The following SLC10A3 variants were observed in gnomAD, a reference collection of about 807,000 sequenced individuals.
The protein encoded by SLC10A3 is solute carrier family 10 member 3.
In SLC10A3, 1 loss-of-function variant was observed where a neutral mutation model predicts 1.9. The ratio of observed to expected loss-of-function variants is 0.52; its 90% confidence interval spans 0.19 to 2.48. SLC10A3 has a LOEUF of 2.48. Ranked by LOEUF, SLC10A3 falls within the 30% of genes most tolerant of loss-of-function variation. SLC10A3 has a pLI of 0.25. For synonymous variants in SLC10A3, 202 were observed against 189.3 expected (o/e 1.07, Z -0.55); for missense variants, 317 against 398.5 (o/e 0.80, Z 1.74).
At chrX:154,489,835 G>C (rs2069361413) in intron 1 of SLC10A3, 1 of 964,611 alleles carries the variant, frequency 1.0e-6, no homozygotes, top group Admixed American at 5.0e-5. Context: ...TGAGGCAGAA[G>C]TAGGGAGCAG....
At position 154,488,264 on chromosome X, in the gene SLC10A3, A is replaced by T; in HGVS notation, c.677T>A (p.Met226Lys). 1 of 1,210,957 alleles carries T rather than the reference A, an allele frequency of 8.3e-7. No homozygotes were observed. The highest frequency in any genetic ancestry group is 1.1e-6 in the Non-Finnish European group (1 of 895,000). The part of the protein sequence containing the change: ...LKGLMQSPQP[M>K]LLGLLGQFLV... ...AAACTGGCCCAGGAGGCCCAGCAGCATGGGCTGGGGGCTCTGCATGAGCCC... is the reference window on the plus strand; with the variant it reads ...AAACTGGCCCAGGAGGCCCAGCAGCTTGGGCTGGGGGCTCTGCATGAGCCC... The change falls in exon 2 of 2, where the codon ATG becomes AAG. Residue 226 changes from methionine to lysine, a missense_variant. Physicochemically the swap from Met to Lys is moderately conservative, Grantham distance 95 (BLOSUM62 -1). Coordinates refer to ENST00000651600, the MANE Select transcript of SLC10A3 (RefSeq NM_019848.5).
At position 154,488,132 on chromosome X, in the gene SLC10A3, C is replaced by G. The variant is rs2069329283; in HGVS notation, c.809G>C (p.Ser270Thr). The G allele has an allele frequency of 8.3e-7, 1 of 1,209,462 alleles. No individual in the cohort carries two copies. The highest frequency in any genetic ancestry group is 1.8e-5 in the South Asian group (1 of 56,785). ...TCCAAGAAGGAGGCTGAAGAGGTAG[C>G]TCCCCCCGCCGCCAGGCGACGAGCA... is the stretch of plus-strand genomic sequence containing the variant. ...ITCSSPGGGG[S>T]YLFSLLLGGD... The change falls in exon 2 of 2, where the codon AGC (serine) becomes ACC (threonine). Residue 270 changes from serine to threonine, a missense_variant. By Grantham distance (58) the Ser-to-Thr change is moderately conservative (BLOSUM62 1). Coordinates refer to ENST00000651600, the MANE Select transcript of SLC10A3 (RefSeq NM_019848.5).
chrX:154,489,346 G>A (rs1005779722), intron 1 of SLC10A3: 13 of 753,011 alleles, frequency 1.7e-5, no homozygotes, highest in Middle Eastern at 7.4e-4. Context: ...ACAGTGACTC[G>A]ATGAAGGTCC....
In SLC10A3 at chrX:154,488,090, G is replaced by A. The variant is rs782403394; in HGVS notation, c.851C>T (p.Ala284Val). The A allele has an allele frequency of 8.3e-7, 1 of 1,211,279 alleles. No individual in the cohort carries two copies. The highest frequency in any genetic ancestry group is 2.2e-5 in the Admixed American group (1 of 46,105). ...CGTAGAGAGGAAAGTCATGGAGATG[G>A]CCAGGGTGACGTCCCCTCCAAGAAG... ...SLLLGGDVTL[A>V]ISMTFLSTVA... The change falls in exon 2 of 2, where the codon GCC (alanine) becomes GTC (valine). Residue 284 changes from alanine to valine, a missense_variant. By Grantham distance (64) the Ala-to-Val change is moderately conservative. Transcript: ENST00000651600.
chrX:154,487,682 T>C lies in SLC10A3; in HGVS notation c.1259A>G (p.Glu420Gly), dbSNP rs782550674. 1 of 1,209,900 alleles carries C rather than the reference T, an allele frequency of 8.3e-7. No individual in the cohort carries two copies. The highest frequency in any genetic ancestry group is 1.8e-5 in the South Asian group (1 of 56,862). The change falls in exon 2 of 2, where the codon GAG (glutamate) becomes GGG (glycine). Residue 420 changes from glutamate to glycine, a missense_variant. By Grantham distance (98) the Glu-to-Gly change is moderately conservative (BLOSUM62 -2). Coordinates refer to ENST00000651600, the MANE Select transcript of SLC10A3 (RefSeq NM_019848.5). ...PVAQRRTVSI[E>G]VGVQNSLLAL... ...CAGCAGGCTGTTCTGCACCCCTACC[T>C]CAATGCTGACCGTCCGCCGCTGGGC...
chrX:154,489,810 C>A (rs1029752318), intron 1 of SLC10A3: 3 of 957,443 alleles, frequency 3.1e-6, no homozygotes, highest in African/African-American at 2.0e-5. Flanking sequence ...GGCCTCCCGT[C>A]ATCTGAGACT....
At chrX:154,489,214 A>C (rs1391789154) in intron 1 of SLC10A3, 132 bp from the exon 2 acceptor site, 2 of 1,121,012 alleles carry the variant, frequency 1.8e-6, no homozygotes, top group African/African-American at 3.7e-5. Flanking sequence ...CTGGAAGCCC[A>C]CTGCTAAGAG....
In SLC10A3 at chrX:154,488,116, G is replaced by A; in HGVS notation, c.825C>T (p.Leu275=). 8.3e-7 allele frequency: 1 copy of A among 1,211,510 alleles called. No individual in the cohort carries two copies. The highest frequency in any genetic ancestry group is 1.1e-6 in the Non-Finnish European group (1 of 895,551). The change falls in exon 2 of 2, where the codon CTC becomes CTT. Residue 275 remains leucine, a synonymous_variant. Coordinates refer to ENST00000651600, the MANE Select transcript of SLC10A3 (RefSeq NM_019848.5). The stretch of plus-strand genomic sequence containing the variant: ...CCAGGGTGACGTCCCCTCCAAGAAG[G>A]AGGCTGAAGAGGTAGCTCCCCCCGC... The part of the protein sequence containing the change: ...PGGGGSYLFS[L]LLGGDVTLAI...
chrX:154,489,957 C>T (rs1557214279), intron 1 of SLC10A3: 1 of 1,077,024 alleles, frequency 9.3e-7, no homozygotes. Context: ...AGGCCTTGGT[C>T]CAGCCATGTG....
rs782567666 is a variant in SLC10A3 at position 154,488,033 on chromosome X, G to A, written c.908C>T (p.Ser303Leu). ...GCTGAGCAGGCGGCTGTAGATGGCC[G>A]AAGACAGAGGCAAGAAGCCAGTGGC... The part of the protein sequence containing the change: ...VAATGFLPLS[S>L]AIYSRLLSIH... The change falls in exon 2 of 2, where the codon TCG (serine) becomes TTG (leucine). Residue 303 changes from serine (S) to leucine (L), a missense_variant. Coordinates refer to ENST00000651600, the MANE Select transcript of SLC10A3 (RefSeq NM_019848.5). The A allele has an allele frequency of 1.1e-5, 13 of 1,209,732 alleles. No individual in the cohort carries two copies. The highest frequency in any genetic ancestry group is 3.5e-5 in the African/African-American group (2 of 57,306).
In SLC10A3 at chrX:154,488,915, C is replaced by T; in HGVS notation, c.26G>A (p.Ser9Asn). The change falls in exon 2 of 2, where the codon AGC becomes AAC. Residue 9 changes from serine to asparagine, a missense_variant. Ser to Asn is a conservative substitution (Grantham distance 46). Coordinates refer to ENST00000651600, the MANE Select transcript of SLC10A3 (RefSeq NM_019848.5). ...CCCCAGACCAGGCCACTGCTGAGAG[C>T]TGCCCTTGTCCTGCATTAACACCAT... MVLMQDKG[S>N]SQQWPGLGGE... 8.3e-7 allele frequency: 1 copy of T among 1,209,992 alleles called. No individual in the cohort carries two copies. Among genetic ancestry groups the T allele is most frequent in the Non-Finnish European group, 1.1e-6 (1 of 894,802 alleles).
rs1557213579 is a variant in SLC10A3, at chrX:154,488,104, C to T, written c.837G>A (p.Gly279=). ...TCATGGAGATGGCCAGGGTGACGTC[C>T]CCTCCAAGAAGGAGGCTGAAGAGGT... ...GSYLFSLLLG[G]DVTLAISMTF... is the part of the protein sequence containing the mutation. The change falls in exon 2 of 2, where the codon GGG becomes GGA. Residue 279 remains glycine, a synonymous_variant. Transcript: ENST00000651600. The T allele has an allele frequency of 5.9e-5, 71 of 1,211,278 alleles. No homozygotes were observed. The highest frequency in any genetic ancestry group is 7.9e-5 in the Non-Finnish European group (71 of 895,384).
In SLC10A3 at chrX:154,488,167, G is replaced by A. The variant is rs374858772; in HGVS notation, c.774C>T (p.Leu258=). ...FMLPKALALG[L]IITCSSPGGG... is the part of the protein sequence containing the mutation. ...CGCCAGGCGACGAGCAGGTGATGAT[G>A]AGGCCCAGAGCCAGGGCCTTGGGCA... The change falls in exon 2 of 2, where the codon CTC becomes CTT. Residue 258 remains leucine (L), a synonymous_variant. Coordinates refer to ENST00000651600, the MANE Select transcript of SLC10A3 (RefSeq NM_019848.5). 1.9e-5 allele frequency: 23 copies of A among 1,209,794 alleles called. No individual in the cohort carries two copies. Among genetic ancestry groups the A allele is most frequent in the Non-Finnish European group, 2.6e-5 (23 of 895,009 alleles).
At chrX:154,489,728 T>C in intron 1 of SLC10A3, 1 of 753,432 alleles carries the variant, frequency 1.3e-6, no homozygotes, top group Non-Finnish European at 1.6e-6. Context: ...CCCCTGTCAG[T>C]TGCCTCATGC....
rs782034102 is a variant in SLC10A3 at position 154,487,636 on chromosome X, T to C, written c.1305A>G (p.Leu435=). 4 of 1,210,219 alleles carry C rather than the reference T, an allele frequency of 3.3e-6. No homozygotes were observed. The highest frequency in any genetic ancestry group is 4.5e-6 in the Non-Finnish European group (4 of 894,878). Residue 435 remains leucine (L), a synonymous_variant, in exon 2 of 2, where the codon CTA becomes CTG. Transcript: ENST00000651600. ...NSLLALAMLQ[L]SLRRLQADYA... is the part of the protein sequence containing the mutation. ...AGTCAGCTTGAAGGCGGCGGAGGGA[T>C]AGCTGCAGCATGGCCAAGGCCAGCA...
At position 154,487,720 on chromosome X, in the gene SLC10A3, C is replaced by T. The variant is rs782671117; in HGVS notation, c.1221G>A (p.Leu407=). The part of the protein sequence containing the change: ...LLVGYCLATC[L]KLPVAQRRTV... ...TCCGCCGCTGGGCCACTGGCAGCTT[C>T]AGACACGTGGCTAGGCAGTAGCCCA... The change falls in exon 2 of 2, where the codon CTG becomes CTA. Residue 407 remains leucine (L), a synonymous_variant. Transcript: ENST00000651600. 4 of 1,211,114 alleles carry T rather than the reference C, an allele frequency of 3.3e-6. No homozygotes were observed. The highest frequency in any genetic ancestry group is 4.5e-6 in the Non-Finnish European group (4 of 895,384).
At position 154,487,567 on chromosome X, in the gene SLC10A3, G is replaced by A. The variant is rs1603397726; in HGVS notation, c.1374C>T (p.Ser458=). 5.8e-6 allele frequency: 7 copies of A among 1,211,026 alleles called. No individual in the cohort carries two copies. The East Asian group carries it at 8.9e-5, about 15-fold the overall frequency. The part of the protein sequence containing the change: ...APFIVALSGT[S]EMLALVIGHF... ...GGCCAATGACCAAGGCCAGCATCTC[G>A]GAGGTGCCGCTCAGCGCCACAATGA... The change falls in exon 2 of 2, where the codon TCC becomes TCT. Residue 458 remains serine (S), a synonymous_variant. Transcript: ENST00000651600.
Position 154,488,841 on chromosome X carries a change from G to C in SLC10A3, c.100C>G (p.Leu34Val). The C allele has an allele frequency of 8.3e-7, 1 of 1,210,848 alleles. No homozygotes were observed. Among genetic ancestry groups the C allele is most frequent in the African/African-American group, 1.7e-5 (1 of 57,935 alleles). Residue 34 changes from leucine to valine, a missense_variant, in exon 2 of 2, where the codon CTG becomes GTG. Coordinates refer to ENST00000651600, the MANE Select transcript of SLC10A3 (RefSeq NM_019848.5). ...GPLSMLRAAL[L>V]LISLPWGAQG... ...GCCCCCCATGGCAGGCTGATGAGCA[G>C]CAGGGCAGCTCTGAGCATGCTTAAG...
At position 154,487,870 on chromosome X, in the gene SLC10A3, G is replaced by C. The variant is rs782557940; in HGVS notation, c.1071C>G (p.Pro357=). 4 of 1,210,067 alleles carry C rather than the reference G, an allele frequency of 3.3e-6. No individual in the cohort carries two copies. The African/African-American group carries it at 7.0e-5, about 21-fold the overall frequency. ...FSQLLLQVVK[P]FSFVLLLGGL... ...CGCCCAGGAGGAGCACAAAGCTGAA[G>C]GGCTTGACGACCTGCAGCAGCAGCT... Residue 357 remains proline, a synonymous_variant, in exon 2 of 2, where the codon CCC becomes CCG. Coordinates refer to ENST00000651600, the MANE Select transcript of SLC10A3 (RefSeq NM_019848.5).
Sources: gnomAD v4.1 joint callset for allele counts on GRCh38, gnomAD v4.1.1 for gene constraint, MANE v1.5 for transcripts, NCBI Gene and HGNC (gene_info 2026-07-23, HGNC 2026-07-21) for gene names.